Variants in TSPAN5 observed in about 807,000 individuals in gnomAD.
TSPAN5 encodes tetraspanin 5.
TSPAN5 carries 10 observed loss-of-function variants against 37.1 expected under a neutral mutation model. The ratio of observed to expected loss-of-function variants is 0.27; its 90% CI spans 0.17 to 0.46. The LOEUF is 0.46. TSPAN5 is among the 20% of genes least tolerant of loss of function. TSPAN5 has a pLI of 1.00. For synonymous variants in TSPAN5, 110 were observed against 118.9 expected, an observed-to-expected ratio of 0.93 and a Z score of 0.48; for missense variants, 195 against 326.6, an observed-to-expected ratio of 0.60 and a Z score of 3.11.
In TSPAN5 at chr4:98,486,918, G is replaced by C. The variant is rs750850027; in HGVS notation, c.133-34C>G. ...AGAAAAGAACACACAACAAGGCACG[G>C]GGATGTGGGGTCAGTTTTCCAACAT... On this transcript the variant is annotated intron_variant, in intron 2 of 7. Coordinates refer to ENST00000305798, the MANE Select transcript of TSPAN5 (RefSeq NM_005723.4). 5.6e-6 allele frequency: 9 copies of C among 1,603,374 alleles called. No individual in the cohort carries two copies. In the East Asian group the frequency reaches 1.8e-4, roughly 32 times the overall value.
intron 7 of TSPAN5, among the ~76,000 whole-genome samples, chr4:98,474,335 G>C (rs1752648933): frequency 6.6e-6 from 1 of 152,146 alleles, no homozygotes; most frequent in Non-Finnish European, 1.5e-5. Flanking sequence ...AAAATCAACT[G>C]ACCATATACG....
chr4:98,505,250 A>G (rs1560515816), intron 2 of TSPAN5, among the ~76,000 whole-genome samples: 1 of 151,974 alleles, frequency 6.6e-6, no homozygotes, highest in Non-Finnish European at 1.5e-5. Context: ...GTCATATTAG[A>G]CTTTTCAAAA....
intron 1 of TSPAN5, among the ~76,000 whole-genome samples, chr4:98,602,259 A>C (rs1755900549): frequency 6.6e-6 from 1 of 152,168 alleles, no homozygotes; most frequent in Non-Finnish European, 1.5e-5. Context: ...AAACCCAAAA[A>C]CCAAAAACAT....
chr4:98,649,609 G>A (rs1047011264), intron 1 of TSPAN5, among the ~76,000 whole-genome samples: 2 of 152,180 alleles, frequency 1.3e-5, no homozygotes, highest in African/African-American at 4.8e-5. Context: ...ACGTTGATAT[G>A]CATGATCTCA....
At chr4:98,610,140 G>C (rs1032151451) in intron 1 of TSPAN5, among the ~76,000 whole-genome samples, 1 of 152,232 alleles carries the variant, frequency 6.6e-6, no homozygotes, top group Admixed American at 6.5e-5. Context: ...ATTTCTCACA[G>C]TTACGAAGGC....
chr4:98,549,368 T>C lies in TSPAN5; in HGVS notation c.82-41640A>G, dbSNP rs532253808. ...CCCAGGATGGAGTGCAGTGGTGTGA[T>C]TTCGGCTCACTGCAACCTCTGCCTC... On this transcript the variant is annotated intron_variant, in intron 1 of 7. Transcript: ENST00000305798. 1.4e-3 allele frequency among the ~76,000 whole-genome samples: 208 copies of C among 151,926 alleles called. 1 individual carries two copies. The highest frequency in any genetic ancestry group is 4.8e-3 in the African/African-American group (198 of 41,338).
At chr4:98,598,963 A>G (rs987915301) in intron 1 of TSPAN5, among the ~76,000 whole-genome samples, 3 of 152,214 alleles carry the variant, frequency 2.0e-5, no homozygotes, top group Non-Finnish European at 2.9e-5. Flanking sequence ...AAAGTTTGCC[A>G]AAGAGCAACA....
At chr4:98,608,110 T>C (rs556077913) in intron 1 of TSPAN5, among the ~76,000 whole-genome samples, 86 of 152,320 alleles carry the variant, frequency 5.6e-4, no homozygotes, top group South Asian at 1.0e-3. Flanking sequence ...CGTTATAGCA[T>C]AACACGCTAG....
chr4:98,581,749 A>C (rs1290962117), intron 1 of TSPAN5, among the ~76,000 whole-genome samples: 1 of 152,184 alleles, frequency 6.6e-6, no homozygotes, highest in Non-Finnish European at 1.5e-5. Context: ...TTTTTAAAAA[A>C]ACACCAGAAA....
At chr4:98,517,421 G>C (rs1753759660) in intron 1 of TSPAN5, among the ~76,000 whole-genome samples, 2 of 152,236 alleles carry the variant, frequency 1.3e-5, no homozygotes, top group Admixed American at 1.3e-4. Context: ...GGGTGAGGCA[G>C]GGGAGGAGGT....
intron 1 of TSPAN5, among the ~76,000 whole-genome samples, chr4:98,573,909 T>C (rs1039648288): frequency 2.0e-5 from 3 of 150,160 alleles, no homozygotes; most frequent in Admixed American, 1.3e-4. Flanking sequence ...TCATTAACAC[T>C]GCTCTTATGA....
chr4:98,591,771 A>C (rs572850128), intron 1 of TSPAN5, among the ~76,000 whole-genome samples: 1 of 150,486 alleles, frequency 6.6e-6, no homozygotes, highest in South Asian at 2.1e-4. Context: ...ACATATTTTG[A>C]CATGCATTAC....
intron 1 of TSPAN5, among the ~76,000 whole-genome samples, chr4:98,618,036 C>G (rs996783879): frequency 9.2e-5 from 14 of 152,218 alleles, no homozygotes; most frequent in Non-Finnish European, 1.8e-4. Context: ...CTCTTGTACA[C>G]AACCTTGGAG....
chr4:98,526,245 A>G (rs551150761), intron 1 of TSPAN5, among the ~76,000 whole-genome samples: 15 of 152,220 alleles, frequency 9.9e-5, no homozygotes, highest in Non-Finnish European at 1.9e-4. Context: ...GAGAATCTCC[A>G]TTTAGAAGCC....
At chr4:98,535,975 A>C (rs1274475133) in intron 1 of TSPAN5, among the ~76,000 whole-genome samples, 2 of 152,092 alleles carry the variant, frequency 1.3e-5, no homozygotes, top group African/African-American at 4.8e-5. Flanking sequence ...ATTGGGTTAG[A>C]GCATGCTCGT....
chr4:98,546,140 A>G (rs984818237), intron 1 of TSPAN5, among the ~76,000 whole-genome samples: 1 of 152,246 alleles, frequency 6.6e-6, no homozygotes, highest in Non-Finnish European at 1.5e-5. Context: ...AAACTGATTC[A>G]GAGAGGTTAA....
intron 1 of TSPAN5, among the ~76,000 whole-genome samples, chr4:98,533,345 T>C (rs531646589): frequency 1.3e-5 from 2 of 152,152 alleles, no homozygotes; most frequent in Non-Finnish European, 2.9e-5. Context: ...AGGCTATTAA[T>C]TACTGCCTCA....
intron 1 of TSPAN5, among the ~76,000 whole-genome samples, chr4:98,635,864 G>A (rs1331560824): frequency 6.6e-6 from 1 of 152,138 alleles, no homozygotes; most frequent in Non-Finnish European, 1.5e-5. Flanking sequence ...CCAACAAAGA[G>A]CTATAAGGAA....
At chr4:98,491,504 A>C (rs1490815997) in intron 2 of TSPAN5, among the ~76,000 whole-genome samples, 1 of 152,172 alleles carries the variant, frequency 6.6e-6, no homozygotes, top group Non-Finnish European at 1.5e-5. Flanking sequence ...CCTGGCCAAC[A>C]CAGTGAAACC....
Sources: gnomAD v4.1 joint callset for allele counts (sites outside exome capture counted in the v4.1 genomes callset) on GRCh38, gnomAD v4.1.1 for gene constraint, MANE v1.5 for transcripts, NCBI Gene and HGNC (gene_info 2026-07-23, HGNC 2026-07-21) for gene names.